LUZP2: variants seen among roughly 807,000 people sequenced by gnomAD.
The protein encoded by LUZP2 is leucine zipper protein 2.
A neutral mutation model predicts 51.6 loss-of-function variants in LUZP2; 52 were observed. The observed-to-expected ratio is 1.01, with a 90% CI of 0.81 to 1.27. The LOEUF is 1.27. Ranked by LOEUF, LUZP2 falls within the 50% of genes most tolerant of loss-of-function variation. The probability of loss-of-function intolerance (pLI) is 0.00; values close to 1 mark genes in which losing one functional copy is unlikely to be tolerated. For synonymous variants in LUZP2, 154 were observed against 137.3 expected, an observed-to-expected ratio of 1.12 and a Z score of -0.85; for missense variants, 436 against 395.4, an observed-to-expected ratio of 1.10 and a Z score of -0.87.
At chr11:24,818,327 A>G (rs1008471342) in intron 5 of LUZP2, among the ~76,000 whole-genome samples, 1 of 152,062 alleles carries the variant, frequency 6.6e-6, no homozygotes, top group Non-Finnish European at 1.5e-5. Flanking sequence ...GTTTAATTAA[A>G]TTTATTAGCC....
chr11:25,017,615 A>G (rs946575271), intron 9 of LUZP2, among the ~76,000 whole-genome samples: 2 of 151,926 alleles, frequency 1.3e-5, no homozygotes, highest in Non-Finnish European at 1.5e-5. Context: ...TCTTTCGTTT[A>G]TGTATCTTTT....
chr11:24,967,704 A>G (rs1855629525), intron 7 of LUZP2, among the ~76,000 whole-genome samples: 2 of 151,324 alleles, frequency 1.3e-5, no homozygotes, highest in South Asian at 2.1e-4. Flanking sequence ...TAGAATTTTC[A>G]TTTGCTTTTA....
In LUZP2 at chr11:24,976,114, T is replaced by A. The variant is rs11028313; in HGVS notation, c.523-477T>A. Among the ~76,000 whole-genome samples the A allele has an allele frequency of 2.0e-5, 3 of 151,886 alleles. No homozygotes were observed. In the South Asian group the frequency reaches 6.2e-4, roughly 32 times the overall value. ...CTCTGTTGTTTTTTTCCTCTCCTTA[T>A]GTGAACATGTGTCCTATGGAATTAG... On this transcript the variant is annotated intron_variant, in intron 7 of 11. Coordinates refer to ENST00000336930, the MANE Select transcript of LUZP2 (RefSeq NM_001009909.4).
At chr11:24,583,687 G>T (rs530188495) in intron 1 of LUZP2, among the ~76,000 whole-genome samples, 2 of 151,228 alleles carry the variant, frequency 1.3e-5, no homozygotes, top group African/African-American at 4.9e-5. Flanking sequence ...GTAACCAGGG[G>T]AAGTCGATGT....
intron 1 of LUZP2, among the ~76,000 whole-genome samples, chr11:24,565,626 C>CA (rs1852191179): frequency 1.3e-5 from 2 of 152,252 alleles, no homozygotes; most frequent in African/African-American, 4.8e-5. Flanking sequence ...CCAAAGGTTT[C>CA]ACTGGTTGTC....
At chr11:24,926,293 G>GTATA (rs542672344) in intron 7 of LUZP2, among the ~76,000 whole-genome samples, 1 of 129,270 alleles carries the variant, frequency 7.7e-6, no homozygotes, top group African/African-American at 3.1e-5. Context: ...ATATACGTGT[G>GTATA]TATATATATA....
intron 7 of LUZP2, among the ~76,000 whole-genome samples, chr11:24,963,145 G>T (rs965216934): frequency 6.6e-6 from 1 of 152,068 alleles, no homozygotes; most frequent in Admixed American, 6.5e-5. Flanking sequence ...AGGAGTACCC[G>T]GCCGTGTGAA....
intron 1 of LUZP2, among the ~76,000 whole-genome samples, chr11:24,654,130 A>G (rs951282058): frequency 6.6e-6 from 1 of 152,204 alleles, no homozygotes; most frequent in Non-Finnish European, 1.5e-5. Context: ...CAGCGCCAAG[A>G]CAGAAGCCAG....
At chr11:25,064,317 T>C (rs994722547) in intron 10 of LUZP2, among the ~76,000 whole-genome samples, 1 of 152,098 alleles carries the variant, frequency 6.6e-6, no homozygotes. Flanking sequence ...AAATAGATGG[T>C]GTATATTAAA....
chr11:24,515,593 G>A (rs922655277), intron 1 of LUZP2, among the ~76,000 whole-genome samples: 2 of 152,120 alleles, frequency 1.3e-5, no homozygotes, highest in African/African-American at 4.8e-5. Flanking sequence ...TGTGTAAGGT[G>A]TCACAGAAGT....
chr11:24,672,342 A>G, intron 1 of LUZP2, among the ~76,000 whole-genome samples: 1 of 152,282 alleles, frequency 6.6e-6, no homozygotes, highest in South Asian at 2.1e-4. Flanking sequence ...TTGTGTATTT[A>G]GTTTATTTGC....
Position 25,079,535 on chromosome 11 carries a change from A to G in LUZP2, c.*877A>G, listed in dbSNP as rs1375291383. ...TACAATAGCCATGTTGATTCAATAAACCCAGATGCATATTTTTTGAAAACC... is the reference window on the plus strand; with the variant it reads ...TACAATAGCCATGTTGATTCAATAAGCCCAGATGCATATTTTTTGAAAACC... On this transcript the variant is annotated 3_prime_UTR_variant, in exon 12 of 12. Coordinates refer to ENST00000336930, the MANE Select transcript of LUZP2 (RefSeq NM_001009909.4). The G allele has an allele frequency of 2.0e-5, 3 of 152,120 alleles. No homozygotes were observed. In the East Asian group the frequency reaches 5.8e-4, roughly 29 times the overall value. 9.4% of individuals were successfully genotyped at this position (152,120 alleles called of 1,614,324 possible).
intron 5 of LUZP2, among the ~76,000 whole-genome samples, chr11:24,812,529 A>G (rs2134138659): frequency 6.6e-6 from 1 of 152,238 alleles, no homozygotes; most frequent in East Asian, 1.9e-4. Flanking sequence ...GAGCCACTTA[A>G]CCTCTCTTTG....
chr11:25,077,404 C>T lies in LUZP2; in HGVS notation c.934C>T (p.Gln312Ter). Residue 312 changes from glutamine (Q) to a stop codon, truncating the protein, a stop_gained and splice_region_variant, in exon 11 of 12, where the codon CAG becomes TAG. Transcript: ENST00000336930. LOFTEE classifies it high-confidence loss of function. Reference protein sequence around the residue: ...NATAETEPIPQKLQMPPCSEC... With the variant: ...NATAETEPIP Reference sequence around the variant, plus strand: ...CACTGCAGAAACCGAGCCTATCCCACAGGTATGTGTTTGTTTTATTTCGTT... The same window carrying T: ...CACTGCAGAAACCGAGCCTATCCCATAGGTATGTGTTTGTTTTATTTCGTT... 6.3e-7 allele frequency: 1 copy of T among 1,599,024 alleles called. No individual in the cohort carries two copies. The highest frequency in any genetic ancestry group is 8.6e-7 in the Non-Finnish European group (1 of 1,167,180).
intron 9 of LUZP2, among the ~76,000 whole-genome samples, chr11:25,031,013 ATATTT>A (rs1857667305): frequency 4.6e-4 from 2 of 4,306 alleles, no homozygotes; most frequent in South Asian, 5.2e-3. Flanking sequence ...ATATATATAT[ATATTT>A]TTTTTTTTTT....
intron 5 of LUZP2, among the ~76,000 whole-genome samples, chr11:24,871,814 ATGAC>A (rs2134268931): frequency 6.6e-6 from 1 of 152,308 alleles, no homozygotes; most frequent in African/African-American, 2.4e-5. Context: ...TTCTCTAAGA[ATGAC>A]TGACCCACAT....
intron 5 of LUZP2, among the ~76,000 whole-genome samples, chr11:24,867,220 C>T (rs773821205): frequency 3.3e-5 from 5 of 152,070 alleles, no homozygotes; most frequent in Admixed American, 1.3e-4. Flanking sequence ...TCTCATCTTA[C>T]GGTAAGACAA....
chr11:25,078,289 T>C (rs1859374785), intron 11 of LUZP2, among the ~76,000 whole-genome samples: 1 of 152,254 alleles, frequency 6.6e-6, no homozygotes, highest in Non-Finnish European at 1.5e-5. Flanking sequence ...TGAATTAGAT[T>C]AAACAGAATT....
chr11:24,984,966 T>C (rs1856150284), intron 9 of LUZP2, among the ~76,000 whole-genome samples: 1 of 151,680 alleles, frequency 6.6e-6, no homozygotes, highest in Non-Finnish European at 1.5e-5. Flanking sequence ...AGCTCATTGA[T>C]CTGTTTAATG....
Sources: gnomAD v4.1 joint callset for allele counts (sites outside exome capture counted in the v4.1 genomes callset) on GRCh38, gnomAD v4.1.1 for gene constraint, MANE v1.5 for transcripts, NCBI Gene and HGNC (gene_info 2026-07-23, HGNC 2026-07-21) for gene names.